Variants in CHST9 observed in about 807,000 individuals in gnomAD.
CHST9 encodes carbohydrate sulfotransferase 9, also known as GalNAc-4-sulfotransferase 2.
A neutral mutation model predicts 44.4 loss-of-function variants in CHST9; 41 were observed. That is an observed-to-expected ratio of 0.92 (90% CI 0.72 to 1.20). The LOEUF is 1.20. CHST9 is among the 50% of genes most tolerant of loss of function. The pLI is 0.00. For missense variants in CHST9, 504 were observed against 516.5 expected, an observed-to-expected ratio of 0.98 and a Z score of 0.23; for synonymous variants, 171 against 178.4, an observed-to-expected ratio of 0.96 and a Z score of 0.33.
rs1174547924 is a variant in CHST9, at chr18:26,956,330, T to A, written c.203-11964A>T. On this transcript the variant is annotated intron_variant, in intron 4 of 5. Transcript: ENST00000618847. ...CTGTCTCAAAAAAAAAAAAAAAATA[T>A]ATATATATATATATACACACACAAT... 8.7e-5 allele frequency among the ~76,000 whole-genome samples: 12 copies of A among 137,200 alleles called. No homozygotes were observed. The South Asian group carries it at 1.5e-3, about 18-fold the overall frequency. 90.0% of individuals were successfully genotyped at this position (137,200 alleles called of 152,430 possible).
intron 4 of CHST9, among the ~76,000 whole-genome samples, chr18:27,014,214 G>C (rs1463815940): frequency 6.6e-6 from 1 of 151,820 alleles, no homozygotes; most frequent in Non-Finnish European, 1.5e-5. Context: ...TAATTTAAAA[G>C]TCAAATGAGT....
chr18:27,050,513 G>A (rs1044093083), intron 2 of CHST9, among the ~76,000 whole-genome samples: 5 of 152,098 alleles, frequency 3.3e-5, no homozygotes, highest in East Asian at 1.9e-4. Context: ...ACAGCCCTTC[G>A]AGTCTTTTAA....
At chr18:27,045,021 T>C (rs1421728164) in intron 3 of CHST9, among the ~76,000 whole-genome samples, 1 of 146,278 alleles carries the variant, frequency 6.8e-6, no homozygotes, top group Non-Finnish European at 1.5e-5. Flanking sequence ...AAATTTCCAA[T>C]AATGAATTTC....
intron 4 of CHST9, among the ~76,000 whole-genome samples, chr18:26,996,841 A>G (rs964843998): frequency 2.6e-5 from 4 of 152,166 alleles, no homozygotes; most frequent in African/African-American, 9.7e-5. Flanking sequence ...AACTATGCCT[A>G]ATCTCTTAAT....
intron 4 of CHST9, among the ~76,000 whole-genome samples, chr18:26,998,976 A>G (rs372346746): frequency 6.6e-6 from 1 of 152,182 alleles, no homozygotes; most frequent in East Asian, 1.9e-4. Flanking sequence ...AGGAGGTTCC[A>G]CAATTCCCCA....
At chr18:26,941,211 G>A (rs551262040) in intron 5 of CHST9, among the ~76,000 whole-genome samples, 9 of 152,228 alleles carry the variant, frequency 5.9e-5, no homozygotes, top group South Asian at 4.2e-4. Flanking sequence ...GAGGGCAAGC[G>A]TTTCTCGTAG....
chr18:27,074,944 T>C lies in CHST9; in HGVS notation c.122-26441A>G, dbSNP rs2057885316. Among the ~76,000 whole-genome samples, 5 of 149,018 alleles carry C rather than the reference T, an allele frequency of 3.4e-5. No homozygotes were observed. In the South Asian group the frequency reaches 1.0e-3, roughly 31 times the overall value. On this transcript the variant is annotated intron_variant, in intron 2 of 5. Coordinates refer to ENST00000618847, the MANE Select transcript of CHST9 (RefSeq NM_031422.6). ...ACAATAACTTATAAGATTTAACATC[T>C]ATAGTATATAGTCACCAAATAGGAA...
At chr18:27,013,289 G>A (rs936793519) in intron 4 of CHST9, among the ~76,000 whole-genome samples, 1 of 152,160 alleles carries the variant, frequency 6.6e-6, no homozygotes, top group Admixed American at 6.5e-5. Flanking sequence ...TGTTACACGC[G>A]CTGAATATAC....
chr18:27,010,087 C>T (rs1465123120), intron 4 of CHST9, among the ~76,000 whole-genome samples: 1 of 152,188 alleles, frequency 6.6e-6, no homozygotes, highest in Non-Finnish European at 1.5e-5. Context: ...AGGTTCTTTA[C>T]TTAAATATAA....
At chr18:27,061,626 C>T (rs915211806) in intron 2 of CHST9, among the ~76,000 whole-genome samples, 2 of 152,124 alleles carry the variant, frequency 1.3e-5, no homozygotes, top group Non-Finnish European at 2.9e-5. Context: ...GACCAGATTG[C>T]ATCATTGGTG....
intron 1 of CHST9, among the ~76,000 whole-genome samples, chr18:27,163,099 G>T (rs917888215): frequency 6.6e-6 from 1 of 152,180 alleles, no homozygotes; most frequent in African/African-American, 2.4e-5. Context: ...GTTTGCCTGG[G>T]TATCAGCAGT....
intron 1 of CHST9, among the ~76,000 whole-genome samples, chr18:27,148,226 T>C (rs1286917603): frequency 6.6e-6 from 1 of 152,104 alleles, no homozygotes; most frequent in Non-Finnish European, 1.5e-5. Context: ...TAGTATTCCA[T>C]GGTATAGACG....
intron 4 of CHST9, among the ~76,000 whole-genome samples, chr18:26,970,973 A>G (rs1205721264): frequency 6.6e-6 from 1 of 152,032 alleles, no homozygotes; most frequent in African/African-American, 2.4e-5. Flanking sequence ...TTGCTTGTCT[A>G]TGTCCTCAAG....
intron 2 of CHST9, among the ~76,000 whole-genome samples, chr18:27,123,188 G>A (rs2058389839): frequency 6.6e-6 from 1 of 152,114 alleles, no homozygotes; most frequent in African/African-American, 2.4e-5. Context: ...GCAGAAACAG[G>A]GAAAATGACC....
intron 4 of CHST9, among the ~76,000 whole-genome samples, chr18:26,992,544 C>T (rs2145210503): frequency 6.6e-6 from 1 of 152,134 alleles, no homozygotes; most frequent in South Asian, 2.1e-4. Context: ...ATACTTCAAT[C>T]ACTATCCCTT....
At chr18:27,053,275 A>AGGAAGAG (rs1568151287) in intron 2 of CHST9, among the ~76,000 whole-genome samples, 7 of 125,720 alleles carry the variant, frequency 5.6e-5, no homozygotes, top group African/African-American at 2.2e-4. Context: ...AAGGAGAAGG[A>AGGAAGAG]GAAGGAGAAG....
At chr18:27,110,334 G>C (rs2058260403) in intron 2 of CHST9, among the ~76,000 whole-genome samples, 1 of 151,188 alleles carries the variant, frequency 6.6e-6, no homozygotes, top group East Asian at 1.9e-4. Context: ...TCCTTTTATA[G>C]TTTTCGGATT....
chr18:26,986,825 T>C (rs920963732), intron 4 of CHST9, among the ~76,000 whole-genome samples: 3 of 152,144 alleles, frequency 2.0e-5, no homozygotes, highest in African/African-American at 7.2e-5. Context: ...GAGTTTTATA[T>C]CCAGCAAAAA....
In CHST9 at chr18:27,158,238, A is replaced by C. The variant is rs1051941262; in HGVS notation, c.-96-15333T>G. Among the ~76,000 whole-genome samples, 4 of 152,030 alleles carry C rather than the reference A, an allele frequency of 2.6e-5. No homozygotes were observed. The East Asian group carries it at 7.7e-4, about 29-fold the overall frequency. On this transcript the variant is annotated intron_variant, in intron 1 of 5. Transcript: ENST00000618847. ...CATTTAACATTAGTTATATCTCCCAATGCTATCCCTCCCCCTTCCCCCCAC... is the reference window on the plus strand; with the variant it reads ...CATTTAACATTAGTTATATCTCCCACTGCTATCCCTCCCCCTTCCCCCCAC...
Sources: gnomAD v4.1 joint callset for allele counts (sites outside exome capture counted in the v4.1 genomes callset) on GRCh38, gnomAD v4.1.1 for gene constraint, MANE v1.5 for transcripts, NCBI Gene and HGNC (gene_info 2026-07-23, HGNC 2026-07-21) for gene names.